Variants in NLGN1 observed in about 807,000 individuals in gnomAD.
The protein encoded by NLGN1 is neuroligin-1.
In NLGN1, 12 loss-of-function variants were observed where a neutral mutation model predicts 65.5. The observed-to-expected ratio is 0.18, with a 90% CI of 0.12 to 0.30. The LOEUF is 0.30. NLGN1 is among the 10% of genes least tolerant of loss of function. The pLI is 1.00. For synonymous variants in NLGN1, 350 were observed against 359.5 expected (o/e 0.97, Z 0.30); for missense variants, 750 against 1,007.1 (o/e 0.74, Z 3.46).
intron 4 of NLGN1, among the ~76,000 whole-genome samples, chr3:174,237,949 A>G (rs1742051677): frequency 6.6e-6 from 1 of 152,236 alleles, no homozygotes; most frequent in South Asian, 2.1e-4. Context: ...GTGGCAAAGA[A>G]GTCAGTTGCT....
At chr3:173,720,883 T>A (rs1770723808) in intron 3 of NLGN1, among the ~76,000 whole-genome samples, 1 of 152,220 alleles carries the variant, frequency 6.6e-6, no homozygotes, top group South Asian at 2.1e-4. Flanking sequence ...GTAAAATTAA[T>A]TTTTAAGGTA....
chr3:174,242,052 G>A (rs1742977111), intron 4 of NLGN1, among the ~76,000 whole-genome samples: 3 of 152,150 alleles, frequency 2.0e-5, no homozygotes. Flanking sequence ...CAGCAACCGA[G>A]CATAACGGTT....
intron 3 of NLGN1, among the ~76,000 whole-genome samples, chr3:173,678,359 G>A (rs768636752): frequency 9.2e-5 from 14 of 152,060 alleles, no homozygotes; most frequent in Non-Finnish European, 1.3e-4. Flanking sequence ...AGGACATGCC[G>A]CAGTAGAGGG....
chr3:173,453,358 A>G (rs1271451389), intron 2 of NLGN1, among the ~76,000 whole-genome samples: 1 of 151,340 alleles, frequency 6.6e-6, no homozygotes, highest in Admixed American at 6.6e-5. Context: ...TTGGCCTCCC[A>G]AAGTGCTGGG....
intron 2 of NLGN1, among the ~76,000 whole-genome samples, chr3:173,478,063 A>G (rs1489148396): frequency 6.6e-6 from 1 of 152,158 alleles, no homozygotes; most frequent in African/African-American, 2.4e-5. Context: ...GTGTATACCC[A>G]AAGGAACATA....
At chr3:174,165,622 A>C (rs1242190373) in intron 4 of NLGN1, among the ~76,000 whole-genome samples, 1 of 151,844 alleles carries the variant, frequency 6.6e-6, no homozygotes, top group Non-Finnish European at 1.5e-5. Flanking sequence ...GAGGATTTTC[A>C]TGTCTATGCC....
intron 4 of NLGN1, among the ~76,000 whole-genome samples, chr3:174,244,740 G>A (rs1258097525): frequency 6.6e-6 from 1 of 152,142 alleles, no homozygotes; most frequent in African/African-American, 2.4e-5. Flanking sequence ...TTTCTGACCA[G>A]ATATTAGGAC....
intron 1 of NLGN1, among the ~76,000 whole-genome samples, chr3:173,409,169 G>C (rs1198354539): frequency 6.6e-6 from 1 of 152,112 alleles, no homozygotes; most frequent in Non-Finnish European, 1.5e-5. Context: ...TAATTTGTTA[G>C]AGTGTTAGAA....
In NLGN1 at chr3:173,518,283, CT is replaced by C. The variant is rs539964532; in HGVS notation, c.-321+83215del. 3.9e-3 allele frequency among the ~76,000 whole-genome samples: 584 copies of C among 148,438 alleles called. 1 individual carries two copies. The highest frequency in any genetic ancestry group is 0.014 in the African/African-American group (562 of 40,642). On this transcript the variant is annotated intron_variant, in intron 2 of 6. Transcript: ENST00000457714. ...CCTAAGATTAAAAGCCATATGTTGA[CT>C]TTTTTTTTTCTTTTTGGTAAACAGT...
At chr3:173,753,737 T>G (rs1276275693) in intron 3 of NLGN1, among the ~76,000 whole-genome samples, 1 of 151,946 alleles carries the variant, frequency 6.6e-6, no homozygotes, top group Non-Finnish European at 1.5e-5. Flanking sequence ...AGCCAAAGTC[T>G]ACACAGTGGC....
chr3:173,731,075 T>C (rs1772759999), intron 3 of NLGN1, among the ~76,000 whole-genome samples: 1 of 152,088 alleles, frequency 6.6e-6, no homozygotes, highest in African/African-American at 2.4e-5. Context: ...CTGTGACTGT[T>C]TTCATTCCGA....
chr3:173,844,087 A>G (rs1578747161), intron 4 of NLGN1, among the ~76,000 whole-genome samples: 1 of 151,932 alleles, frequency 6.6e-6, no homozygotes, highest in East Asian at 1.9e-4. Flanking sequence ...GTGCAGGAAA[A>G]CTCCTGTTTT....
At chr3:174,202,476 T>C (rs1253827678) in intron 4 of NLGN1, among the ~76,000 whole-genome samples, 2 of 152,276 alleles carry the variant, frequency 1.3e-5, no homozygotes, top group East Asian at 3.9e-4. Context: ...AATAAAACCC[T>C]GAAAAATAGT....
chr3:173,807,876 T>G, intron 4 of NLGN1, 44 bp downstream of exon 4: 1 of 1,571,560 alleles, frequency 6.4e-7, no homozygotes. Flanking sequence ...ATCCATGAAG[T>G]ATGTGATGGT....
intron 3 of NLGN1, among the ~76,000 whole-genome samples, chr3:173,788,297 G>A (rs756401205): frequency 6.8e-6 from 1 of 147,154 alleles, no homozygotes; most frequent in Non-Finnish European, 1.5e-5. Context: ...ATATTAAATA[G>A]TAAATGGATA....
At chr3:173,659,186 A>G (rs981169309) in intron 3 of NLGN1, among the ~76,000 whole-genome samples, 2 of 152,014 alleles carry the variant, frequency 1.3e-5, no homozygotes, top group African/African-American at 4.8e-5. Context: ...TATCCAGTGA[A>G]AATAAAACCT....
intron 3 of NLGN1, among the ~76,000 whole-genome samples, chr3:173,617,675 A>C (rs551376178): frequency 2.2e-4 from 33 of 152,214 alleles, no homozygotes; most frequent in Non-Finnish European, 4.4e-4. Flanking sequence ...CCTCGAGGCC[A>C]AGTGGCTGCC....
Position 174,280,425 on chromosome 3 carries a change from A to AT in NLGN1, c.1650-52dup. On this transcript the variant is annotated intron_variant, in intron 6 of 6. Transcript: ENST00000457714. The surrounding 1 kb of genome is among the most constrained non-coding windows in gnomAD (Gnocchi z 4.9). ...AATTATTAGATGTTAAAGTAGTGTGATTTTAAGTAAAAAATAAAATAGCTT... is the reference window on the plus strand; with the variant it reads ...AATTATTAGATGTTAAAGTAGTGTGATTTTTAAGTAAAAAATAAAATAGCTT... The AT allele has an allele frequency of 2.4e-6, 3 of 1,235,364 alleles. No individual in the cohort carries two copies. The highest frequency in any genetic ancestry group is 1.5e-5 in the South Asian group (1 of 67,088). The allele number at this position is 1,235,364 out of a possible 1,614,324, so 76.5% of individuals were successfully genotyped here. A position where few individuals can be genotyped will look rare whatever the true frequency, so the allele number is the denominator to read the frequency against.
intron 4 of NLGN1, among the ~76,000 whole-genome samples, chr3:174,270,157 TGAAGTTTGATGTAGTCTTATTTGTTTA>T (rs1749108876): frequency 1.4e-5 from 2 of 145,980 alleles, no homozygotes; most frequent in African/African-American, 2.5e-5. Flanking sequence ...GCAGATGTTT[TGAAGTTTGATGTAGTCTTATTTGTTTA>T]TTTTTTTTTT....
Sources: gnomAD v4.1 joint callset for allele counts (sites outside exome capture counted in the v4.1 genomes callset) on GRCh38, gnomAD v4.1.1 for gene constraint, Gnocchi (gnomAD v3.1) non-coding constraint, MANE v1.5 for transcripts, NCBI Gene and HGNC (gene_info 2026-07-23, HGNC 2026-07-21) for gene names.